TRIO: variants seen among roughly 807,000 people sequenced by gnomAD.
TRIO encodes trio Rho guanine nucleotide exchange factor.
TRIO carries 58 observed loss-of-function variants against 351.9 expected under a neutral mutation model. The ratio of observed to expected loss-of-function variants is 0.16; its 90% CI spans 0.13 to 0.21. TRIO has a LOEUF of 0.21. Ranked by LOEUF, TRIO falls within the 10% of genes least tolerant of loss-of-function variation. The pLI is 1.00. For synonymous variants in TRIO, 1,758 were observed against 1,595.7 expected, an observed-to-expected ratio of 1.10 and a Z score of -2.42; for missense variants, 3,201 against 4,027.8, an observed-to-expected ratio of 0.79 and a Z score of 5.56.
chr5:14,159,662 G>A (rs1381952687), intron 1 of TRIO, among the ~76,000 whole-genome samples: 1 of 151,152 alleles, frequency 6.6e-6, no homozygotes, highest in East Asian at 1.9e-4. Flanking sequence ...TCCATCTCCT[G>A]AGCGATACTC....
chr5:14,266,314 G>A (rs964366566), intron 1 of TRIO, among the ~76,000 whole-genome samples: 7 of 151,952 alleles, frequency 4.6e-5, no homozygotes, highest in Admixed American at 2.6e-4. Context: ...TGCCTGCCTC[G>A]GCCTCCCCCT....
chr5:14,396,044 TAA>T (rs557922366), intron 28 of TRIO, among the ~76,000 whole-genome samples: 19 of 64,534 alleles, frequency 2.9e-4, no homozygotes, highest in Admixed American at 4.1e-4. Flanking sequence ...AGACTCCGCC[TAA>T]AAAAAAAAAA....
intron 3 of TRIO, 78 bp downstream of exon 3, chr5:14,280,514 C>T (rs1735903425): frequency 3.9e-6 from 5 of 1,292,814 alleles, no homozygotes; most frequent in Non-Finnish European, 5.6e-6. Flanking sequence ...TAGAAATCAG[C>T]TAAATTGTAG....
chr5:14,255,163 C>T (rs564549523), intron 1 of TRIO, among the ~76,000 whole-genome samples: 1 of 152,338 alleles, frequency 6.6e-6, no homozygotes, highest in South Asian at 2.1e-4. Flanking sequence ...ATAGACTGGT[C>T]TGACGGACAA....
At chr5:14,370,955 G>A (rs777755224) in intron 18 of TRIO, among the ~76,000 whole-genome samples, 5 of 152,184 alleles carry the variant, frequency 3.3e-5, no homozygotes, top group Non-Finnish European at 7.3e-5. Context: ...CTCAAGTTAC[G>A]ATGGTTTGAC....
intron 34 of TRIO, among the ~76,000 whole-genome samples, chr5:14,452,854 C>T (rs182124797): frequency 1.5e-4 from 23 of 152,216 alleles, no homozygotes; most frequent in Admixed American, 1.0e-3. Flanking sequence ...CCTTGGTCTG[C>T]GACCAGCAGG....
chr5:14,455,760 A>G (rs1259392960), intron 34 of TRIO, among the ~76,000 whole-genome samples: 3 of 152,354 alleles, frequency 2.0e-5, no homozygotes, highest in South Asian at 4.1e-4. Flanking sequence ...TGATTGGTAC[A>G]TTTACAATCC....
intron 6 of TRIO, among the ~76,000 whole-genome samples, chr5:14,295,517 G>C (rs1336215869): frequency 2.6e-5 from 4 of 152,250 alleles, no homozygotes; most frequent in African/African-American, 9.6e-5. Context: ...GGCAGGTATG[G>C]TCAGTGGTTG....
intron 1 of TRIO, among the ~76,000 whole-genome samples, chr5:14,202,294 A>ATT (rs60827656): frequency 8.9e-5 from 3 of 33,534 alleles, no homozygotes; most frequent in African/African-American, 1.0e-4. Flanking sequence ...TATTTTTGTG[A>ATT]TTTTTTTTTT....
At chr5:14,186,048 G>C (rs1790091600) in intron 1 of TRIO, among the ~76,000 whole-genome samples, 1 of 152,182 alleles carries the variant, frequency 6.6e-6, no homozygotes, top group African/African-American at 2.4e-5. Flanking sequence ...ACTTTTAAGA[G>C]GTACACCCAA....
chr5:14,471,926 A>G (rs1187882697), intron 38 of TRIO, among the ~76,000 whole-genome samples: 1 of 152,156 alleles, frequency 6.6e-6, no homozygotes, highest in Non-Finnish European at 1.5e-5. Flanking sequence ...AGGAAAAAAA[A>G]AAAACGTAAG....
intron 1 of TRIO, among the ~76,000 whole-genome samples, chr5:14,159,050 G>A (rs1234537343): frequency 1.3e-5 from 2 of 152,168 alleles, no homozygotes; most frequent in Non-Finnish European, 2.9e-5. Context: ...ATAGGGACAA[G>A]GTTACCACGC....
chr5:14,399,276 T>A (rs538129139), intron 30 of TRIO: 4 of 558,452 alleles, frequency 7.2e-6, no homozygotes, highest in Non-Finnish European at 9.5e-6. Flanking sequence ...GTTTATAGAC[T>A]TAGGAAACTT....
chr5:14,366,780 A>C, intron 15 of TRIO, 80 bp from the exon 16 acceptor site: 1 of 1,593,206 alleles, frequency 6.3e-7, no homozygotes, highest in South Asian at 1.2e-5. Flanking sequence ...ACTATCTTGC[A>C]CGCTTGTATC....
chr5:14,328,470 T>G (rs1000505971), intron 9 of TRIO, among the ~76,000 whole-genome samples: 1 of 152,142 alleles, frequency 6.6e-6, no homozygotes, highest in Non-Finnish European at 1.5e-5. Flanking sequence ...ATACGTGAGT[T>G]AAAACAATGC....
intron 5 of TRIO, among the ~76,000 whole-genome samples, chr5:14,291,954 G>A (rs1736954994): frequency 6.6e-6 from 1 of 152,106 alleles, no homozygotes; most frequent in Non-Finnish European, 1.5e-5. Flanking sequence ...CTAGTCTCAT[G>A]TTTTATTCTT....
At chr5:14,268,483 C>T (rs970803908) in intron 1 of TRIO, among the ~76,000 whole-genome samples, 2 of 152,166 alleles carry the variant, frequency 1.3e-5, no homozygotes, top group Non-Finnish European at 2.9e-5. Context: ...TCTCTAGTGT[C>T]GGAGCCAGGG....
intron 7 of TRIO, among the ~76,000 whole-genome samples, chr5:14,299,037 G>T (rs888969131): frequency 3.3e-5 from 5 of 152,146 alleles, no homozygotes; most frequent in African/African-American, 1.2e-4. Context: ...AACACACAGA[G>T]AACATCTTTC....
intron 8 of TRIO, among the ~76,000 whole-genome samples, chr5:14,312,283 C>T (rs1041112529): frequency 2.6e-5 from 4 of 152,160 alleles, no homozygotes; most frequent in Non-Finnish European, 4.4e-5. Context: ...GCCCATTGTT[C>T]TACATTTTAA....
Sources: gnomAD v4.1 joint callset for allele counts (sites outside exome capture counted in the v4.1 genomes callset) on GRCh38, gnomAD v4.1.1 for gene constraint, MANE v1.5 for transcripts, NCBI Gene and HGNC (gene_info 2026-07-23, HGNC 2026-07-21) for gene names.